DNAH17: variants seen among roughly 807,000 people sequenced by gnomAD.
DNAH17 encodes the protein dynein axonemal heavy chain 17.
Under a neutral mutation model 485.6 loss-of-function variants are expected in DNAH17, and 376 were observed. The observed-to-expected ratio is 0.77, with a 90% CI of 0.71 to 0.84. The LOEUF (loss-of-function observed/expected upper bound fraction) is 0.84. DNAH17 is among the 40% of genes least tolerant of loss of function. DNAH17 has a pLI of 0.00. For synonymous variants in DNAH17, 3,031 were observed against 2,405.9 expected (o/e 1.26, Z -7.60); for missense variants, 6,370 against 5,839.3 (o/e 1.09, Z -2.96).
chr17:78,500,701 G>T, intron 35 of DNAH17: 1 of 308,374 alleles, frequency 3.2e-6, no homozygotes, highest in Non-Finnish European at 5.9e-6. Flanking sequence ...TAGAGATGAG[G>T]TTTTGCTATG....
intron 47 of DNAH17, 142 bp downstream of exon 47, chr17:78,485,403 GAAGGA>G (rs2146645189): frequency 1.2e-6 from 1 of 803,018 alleles, no homozygotes; most frequent in East Asian, 2.7e-5. Context: ...TCCGACTCAG[GAAGGA>G]AAGGCCAGCG....
At chr17:78,472,084 G>T (rs2088778301) in intron 54 of DNAH17, among the ~76,000 whole-genome samples, 1 of 152,200 alleles carries the variant, frequency 6.6e-6, no homozygotes, top group South Asian at 2.1e-4. Context: ...GCCCGTCTAG[G>T]GACCAGCCAT....
In DNAH17 at chr17:78,451,600, T is replaced by A; in HGVS notation, c.10603A>T (p.Asn3535Tyr). Residue 3535 changes from asparagine (N) to tyrosine (Y), a missense_variant, in exon 66 of 81, where the codon AAC (asparagine) becomes TAC (tyrosine). By Grantham distance (143) the Asn-to-Tyr change is moderately radical. Transcript: ENST00000389840. ...TGCATCTCTGGCTTGTAGTGTGGGT[T>A]GAAGTACTTGGTGTGTAGGATCAGG... ...FRLILHTKYFNPHYKPEMQAQ... is the reference protein window; with the variant it reads ...FRLILHTKYFYPHYKPEMQAQ... 1 of 1,611,476 alleles carries A rather than the reference T, an allele frequency of 6.2e-7. No homozygotes were observed. The highest frequency in any genetic ancestry group is 8.5e-7 in the Non-Finnish European group (1 of 1,178,778).
chr17:78,558,399 A>C lies in DNAH17; in HGVS notation c.2032-145T>G, dbSNP rs1047825554. ...TTGGTGGGAGGCAGTATTTGTTGGC[A>C]GGACCAGGACGTTTTCACCCTGTTG... On this transcript the variant is annotated intron_variant, in intron 13 of 80. Coordinates refer to ENST00000389840, the MANE Select transcript of DNAH17 (RefSeq NM_173628.4). The C allele has an allele frequency of 7.9e-6, 8 of 1,016,482 alleles. No homozygotes were observed. The African/African-American group carries it at 1.3e-4, about 17-fold the overall frequency. The allele number at this position is 1,016,482 out of a possible 1,614,324, so 63.0% of individuals were successfully genotyped here.
In DNAH17 at chr17:78,530,347, T is replaced by C; in HGVS notation, c.3280A>G (p.Asn1094Asp). The C allele has an allele frequency of 6.2e-7, 1 of 1,606,844 alleles. No individual in the cohort carries two copies. The highest frequency in any genetic ancestry group is 8.5e-7 in the Non-Finnish European group (1 of 1,174,550). ...FKRHLSNHVT[N>D]SLADLEAFMK... Reference sequence around the variant, plus strand: ...AGTACATGGCTGGGGACCCACCTGTTGGTGACGTGGTTGCTCAGGTGCCGC... The same window carrying C: ...AGTACATGGCTGGGGACCCACCTGTCGGTGACGTGGTTGCTCAGGTGCCGC... The change falls in exon 21 of 81, where the codon AAC becomes GAC. Residue 1094 changes from asparagine (N) to aspartate (D), a missense_variant. Transcript: ENST00000389840.
chr17:78,515,465 T>A (rs1412301603), intron 25 of DNAH17, among the ~76,000 whole-genome samples: 1 of 152,166 alleles, frequency 6.6e-6, no homozygotes, highest in Non-Finnish European at 1.5e-5. Flanking sequence ...GCCGAGATCA[T>A]GCCACTGCAC....
Position 78,445,656 on chromosome 17 carries a change from T to A in DNAH17, c.11236A>T (p.Asn3746Tyr), listed in dbSNP as rs1317240485. ...AGGAGGAAATCCAGCTCCACTGGGT[T>A]CAGCTCCTTCTTCATGGACAGGACC... ...FQVLSMKKEL[N>Y]PVELDFLLRF... is the part of the protein sequence containing the mutation. Residue 3746 changes from asparagine (N) to tyrosine (Y), a missense_variant, in exon 70 of 81, where the codon AAC becomes TAC. Transcript: ENST00000389840. 2 of 1,580,558 alleles carry A rather than the reference T, an allele frequency of 1.3e-6. No individual in the cohort carries two copies. Among genetic ancestry groups the A allele is most frequent in the Non-Finnish European group, 1.7e-6 (2 of 1,163,436 alleles).
Position 78,495,106 on chromosome 17 carries a change from G to A in DNAH17, c.5904-9C>T. 6.3e-7 allele frequency: 1 copy of A among 1,596,812 alleles called. No individual in the cohort carries two copies. The highest frequency in any genetic ancestry group is 8.5e-7 in the Non-Finnish European group (1 of 1,170,930). ...CGACCATGGCACAGGGCCTGGGGAG[G>A]TCAGCGGTGCCTGTGGGCTTCTGCC... is the stretch of plus-strand genomic sequence containing the variant. On this transcript the variant is annotated splice_polypyrimidine_tract_variant and intron_variant, in intron 38 of 80. Coordinates refer to ENST00000389840, the MANE Select transcript of DNAH17 (RefSeq NM_173628.4).
Position 78,423,848 on chromosome 17 carries a change from G to T in DNAH17, c.*58C>A. On this transcript the variant is annotated 3_prime_UTR_variant, in exon 81 of 81. Transcript: ENST00000389840. ...TAAAGAATAAGTCACAGGTGCACAG[G>T]TGAAGGGCTGAGTTGTGGTCCAGCC... 2 of 1,598,444 alleles carry T rather than the reference G, an allele frequency of 1.3e-6. No individual in the cohort carries two copies. The highest frequency in any genetic ancestry group is 2.2e-5 in the South Asian group (2 of 89,426).
chr17:78,516,729 C>T (rs2090793919), intron 25 of DNAH17, among the ~76,000 whole-genome samples: 1 of 148,584 alleles, frequency 6.7e-6, no homozygotes, highest in Non-Finnish European at 1.5e-5. Context: ...GAGACAGACT[C>T]AAAATCAGTT....
rs113820087 is a variant in DNAH17, at chr17:78,559,444, C to T, written c.2032-1190G>A. On this transcript the variant is annotated intron_variant, in intron 13 of 80. Coordinates refer to ENST00000389840, the MANE Select transcript of DNAH17 (RefSeq NM_173628.4). ...GGGACTGACTCCCCTCTTCCAATCA[C>T]GCTCCATTTCCAACCTACTAGGAGT... is the stretch of plus-strand genomic sequence containing the variant. Among the ~76,000 whole-genome samples the T allele has an allele frequency of 5.5e-3, 836 of 152,302 alleles. 9 individuals are homozygous for T. The highest frequency in any genetic ancestry group is 0.018 in the African/African-American group (745 of 41,566).
rs1290415004 is a variant in DNAH17 at position 78,515,010 on chromosome 17, T to G, written c.3877A>C (p.Ile1293Leu). 1 of 1,613,928 alleles carries G rather than the reference T, an allele frequency of 6.2e-7. No individual in the cohort carries two copies. The highest frequency in any genetic ancestry group is 1.1e-5 in the South Asian group (1 of 91,088). The change falls in exon 26 of 81, where the codon ATC becomes CTC. Residue 1293 changes from isoleucine (I) to leucine (L), a missense_variant. Coordinates refer to ENST00000389840, the MANE Select transcript of DNAH17 (RefSeq NM_173628.4). The stretch of plus-strand genomic sequence containing the variant: ...CACTTGGTGGTCTTCCAGTCCTCGA[T>G]GCTGGTATTTACCTGAAACGAAAAC... ...WDMVVVVNTS[I>L]EDWKTTKWKD...
In DNAH17 at chr17:78,423,800, CG is replaced by C; in HGVS notation, c.*105del. 6.9e-7 allele frequency: 1 copy of C among 1,443,418 alleles called. No individual in the cohort carries two copies. Among genetic ancestry groups the C allele is most frequent in the Non-Finnish European group, 9.4e-7 (1 of 1,060,958 alleles). 89.4% of individuals were successfully genotyped at this position (1,443,418 alleles called of 1,614,324 possible). On this transcript the variant is annotated 3_prime_UTR_variant, in exon 81 of 81. Coordinates refer to ENST00000389840, the MANE Select transcript of DNAH17 (RefSeq NM_173628.4). Reference sequence around the variant, plus strand: ...CAAAGCACCTGATTATTTAAGAGAACGAAAAACCACCACCAGTTCCTGTAAA... The same window carrying C: ...CAAAGCACCTGATTATTTAAGAGAACAAAAACCACCACCAGTTCCTGTAAA...
chr17:78,554,473 G>GAAAA (rs1568246690), intron 14 of DNAH17, among the ~76,000 whole-genome samples: 104 of 124,666 alleles, frequency 8.3e-4, no homozygotes, highest in Non-Finnish European at 1.2e-3. Flanking sequence ...AAAAAAAAAG[G>GAAAA]ATAGGTTCTA....
At chr17:78,486,165 C>A (rs2089597379) in intron 45 of DNAH17, 32 bp from the exon 46 acceptor site, 2 of 1,605,184 alleles carry the variant, frequency 1.2e-6, no homozygotes, top group East Asian at 4.5e-5. Flanking sequence ...AATCAGGGCC[C>A]AGCTAAGCAG....
At chr17:78,544,107 G>T in intron 16 of DNAH17, 110 bp from the exon 17 acceptor site, 2 of 1,479,726 alleles carry the variant, frequency 1.4e-6, no homozygotes, top group Non-Finnish European at 1.8e-6. Context: ...GCCTGATCTT[G>T]GATTGGAGTC....
In DNAH17 at chr17:78,455,671, G is replaced by A. The variant is rs2087762428; in HGVS notation, c.10143C>T (p.Phe3381=). 6.4e-6 allele frequency: 10 copies of A among 1,562,788 alleles called. No individual in the cohort carries two copies. The highest frequency in any genetic ancestry group is 8.7e-6 in the Non-Finnish European group (10 of 1,153,848). Residue 3381 remains phenylalanine, a synonymous_variant, in exon 63 of 81, where the codon TTC becomes TTT. Transcript: ENST00000389840. Reference sequence around the variant, plus strand: ...TTAAGTTATGTATGTAAGGGATCCAGAATTTCTCCATCAGCTCATTCCGGT... The same window carrying A: ...TTAAGTTATGTATGTAAGGGATCCAAAATTTCTCCATCAGCTCATTCCGGT... ...KKYRNELMEK[F]WIPYIHNLKV...
At chr17:78,521,504 C>T (rs1006930291) in intron 25 of DNAH17, among the ~76,000 whole-genome samples, 14 of 152,034 alleles carry the variant, frequency 9.2e-5, no homozygotes, top group Non-Finnish European at 1.6e-4. Flanking sequence ...AATAAATGAA[C>T]CTTAACCCAA....
At chr17:78,523,876 C>T (rs1211896477) in intron 25 of DNAH17, among the ~76,000 whole-genome samples, 2 of 151,706 alleles carry the variant, frequency 1.3e-5, no homozygotes, top group African/African-American at 4.8e-5. Context: ...GCCACTGCAC[C>T]CCAGCCTGGG....
Sources: gnomAD v4.1 joint callset for allele counts (sites outside exome capture counted in the v4.1 genomes callset) on GRCh38, gnomAD v4.1.1 for gene constraint, MANE v1.5 for transcripts, NCBI Gene and HGNC (gene_info 2026-07-23, HGNC 2026-07-21) for gene names.